KIFC3: variants seen among roughly 807,000 people sequenced by gnomAD.
KIFC3 encodes the protein kinesin family member C3, also known as kinesin-like protein KIFC3.
Under a neutral mutation model 101.8 loss-of-function variants are expected in KIFC3, and 60 were observed. The ratio of observed to expected loss-of-function variants is 0.59; its 90% confidence interval spans 0.48 to 0.73. The LOEUF (loss-of-function observed/expected upper bound fraction) is 0.73. KIFC3 is among the 30% of genes least tolerant of loss of function. The probability of loss-of-function intolerance (pLI) is 0.00; values close to 1 mark genes in which losing one functional copy is unlikely to be tolerated. For missense variants in KIFC3, 966 were observed against 1,137.1 expected (o/e 0.85, Z 2.16); for synonymous variants, 476 against 482.7 (o/e 0.99, Z 0.18).
At position 57,826,527 on chromosome 16, in the gene KIFC3, T is replaced by C. The variant is rs2055460155; in HGVS notation, c.109-28245A>G. On this transcript the variant is annotated intron_variant, in intron 1 of 2. Coordinates refer to the KIFC3 transcript ENST00000563028. ...AATATTGGGTTAGGAACCACCACTC[T>C]TTTGAAAATTTCACGTAAAATACCA... 2.0e-5 allele frequency among the ~76,000 whole-genome samples: 3 copies of C among 152,024 alleles called. No individual in the cohort carries two copies. The South Asian group carries it at 6.2e-4, about 32-fold the overall frequency.
chr16:57,777,448 C>T (rs959507075), intron 3 of KIFC3, among the ~76,000 whole-genome samples: 4 of 152,190 alleles, frequency 2.6e-5, no homozygotes, highest in South Asian at 2.1e-4. Flanking sequence ...TGGCCAGGCG[C>T]GGTGGCTCAT....
intron 9 of KIFC3, 51 bp from the exon 10 acceptor site, chr16:57,767,036 C>T (rs781992248): frequency 1.4e-4 from 213 of 1,480,682 alleles, no homozygotes; most frequent in Non-Finnish European, 1.8e-4. Context: ...TCAGCCTTAC[C>T]GGCCTGACTG....
At chr16:57,775,586 C>A (rs2051944317) in intron 3 of KIFC3, 1 of 985,854 alleles carries the variant, frequency 1.0e-6, no homozygotes, top group Non-Finnish European at 1.2e-6. Context: ...CAAGAGCAGG[C>A]AGGGCCTTCC....
In KIFC3 at chr16:57,772,168, T is replaced by C. The variant is rs1467166509; in HGVS notation, c.381+55A>G. ...GCACCCCTGCCCCTGGCAGGGCCCA[T>C]CTGCACAAGGCAGGCCAGGCCCTGC... On this transcript the variant is annotated intron_variant, in intron 4 of 19. Coordinates refer to ENST00000445690, the MANE Select transcript of KIFC3 (RefSeq NM_001130100.2). 2.6e-6 allele frequency: 4 copies of C among 1,516,380 alleles called. No homozygotes were observed. In the Admixed American group the frequency reaches 7.1e-5, roughly 27 times the overall value. The allele number at this position is 1,516,380 out of a possible 1,614,324, so 93.9% of individuals were successfully genotyped here. A position where few individuals can be genotyped will look rare whatever the true frequency, so the allele number is the denominator to read the frequency against.
At chr16:57,816,962 G>A (rs1466802090) in intron 1 of KIFC3, 19 of 334,510 alleles carry the variant, frequency 5.7e-5, no homozygotes, top group South Asian at 3.6e-4. Flanking sequence ...ACTACATGCC[G>A]GGCACCATGG....
chr16:57,849,111 T>G (rs890401328), intron 1 of KIFC3, among the ~76,000 whole-genome samples: 1 of 152,172 alleles, frequency 6.6e-6, no homozygotes, highest in Admixed American at 6.5e-5. Context: ...ACAGAGGAGT[T>G]AGTAATAAGC....
At chr16:57,803,077 G>A (rs2054841530), upstream of KIFC3, 9 of 1,520,854 alleles carry the variant, frequency 5.9e-6, no homozygotes, top group East Asian at 2.2e-4. Flanking sequence ...TGGCCAGGCC[G>A]CCTTCTAGCC....
intron 1 of KIFC3, chr16:57,798,491 C>T (rs927374612): frequency 1.2e-5 from 7 of 594,730 alleles, no homozygotes; most frequent in African/African-American, 5.8e-5. Flanking sequence ...TTTCCGAATA[C>T]GGAGGCTCCG....
At chr16:57,861,340 T>C (rs1000128749) in intron 1 of KIFC3, among the ~76,000 whole-genome samples, 1 of 152,192 alleles carries the variant, frequency 6.6e-6, no homozygotes, top group Admixed American at 6.6e-5. Flanking sequence ...TGGGGAATGC[T>C]ACCCAGCAGG....
intron 1 of KIFC3, among the ~76,000 whole-genome samples, chr16:57,831,843 C>T (rs1003197667): frequency 3.3e-5 from 5 of 152,060 alleles, no homozygotes; most frequent in African/African-American, 1.2e-4. Flanking sequence ...ACCTGGGAAC[C>T]CTGATCAGTT....
intron 1 of KIFC3, among the ~76,000 whole-genome samples, chr16:57,845,617 A>G (rs1376803944): frequency 2.6e-5 from 4 of 151,630 alleles, no homozygotes; most frequent in African/African-American, 9.7e-5. Context: ...CTCCCTCCAC[A>G]CCTGCTCAGG....
At chr16:57,766,766 G>C in intron 10 of KIFC3, 108 bp downstream of exon 10, 1 of 683,926 alleles carries the variant, frequency 1.5e-6, no homozygotes, top group East Asian at 2.7e-5. Flanking sequence ...TATCTACAGA[G>C]ATAGGATTAG....
At chr16:57,783,474 T>TTTC (rs1555615925) in intron 3 of KIFC3, among the ~76,000 whole-genome samples, 27 of 29,440 alleles carry the variant, frequency 9.2e-4, no homozygotes, top group Non-Finnish European at 3.2e-3. Flanking sequence ...TTTCTTTTCT[T>TTTC]TTTTTTTTTT....
In KIFC3 at chr16:57,761,575, T is replaced by G. The variant is rs371117327; in HGVS notation, c.1749-39A>C. The G allele has an allele frequency of 1.9e-6, 3 of 1,600,548 alleles. No homozygotes were observed. The African/African-American group carries it at 4.0e-5, about 21-fold the overall frequency. On this transcript the variant is annotated intron_variant, in intron 13 of 19. Transcript: ENST00000445690. ...TGAGACAGTCACCCCCTCCTCCCAT[T>G]TCCAGCTGCTGTTTGCACTGCACCC...
At chr16:57,856,252 G>C (rs1002129644) in intron 1 of KIFC3, among the ~76,000 whole-genome samples, 2 of 152,080 alleles carry the variant, frequency 1.3e-5, no homozygotes, top group Non-Finnish European at 2.9e-5. Flanking sequence ...AAGCCAGAAT[G>C]GATGAATTGC....
At chr16:57,795,897 T>TTTG (rs1568048174) in intron 2 of KIFC3, among the ~76,000 whole-genome samples, 18 of 144,034 alleles carry the variant, frequency 1.2e-4, no homozygotes, top group African/African-American at 4.1e-4. Flanking sequence ...TTTTTTTTTT[T>TTTG]TTTTTTTTTT....
chr16:57,858,160 G>A (rs1358471599), intron 1 of KIFC3, among the ~76,000 whole-genome samples: 1 of 152,070 alleles, frequency 6.6e-6, no homozygotes, highest in Non-Finnish European at 1.5e-5. Flanking sequence ...CATTTGGGTT[G>A]TTTCCAAGTC....
chr16:57,795,884 GTTTTTTTT>G (rs797031930), intron 2 of KIFC3, among the ~76,000 whole-genome samples: 2 of 58,786 alleles, frequency 3.4e-5, no homozygotes, highest in Non-Finnish European at 8.2e-5. Flanking sequence ...GGGCTTTTTT[GTTTTTTTT>G]TTTTTTTTTT....
At chr16:57,783,832 G>A (rs782802758) in intron 3 of KIFC3, among the ~76,000 whole-genome samples, 98 of 152,274 alleles carry the variant, frequency 6.4e-4, no homozygotes, top group Non-Finnish European at 5.7e-4. Flanking sequence ...GCCTAACTGG[G>A]GAAGGTCAGG....
Sources: allele counts gnomAD v4.1 joint callset (sites outside exome capture counted in the v4.1 genomes callset), GRCh38; gene constraint gnomAD v4.1.1; transcripts MANE v1.5; gene names NCBI Gene and HGNC (gene_info 2026-07-23, HGNC 2026-07-21).